Variants in ZNF664 observed in about 807,000 individuals in gnomAD.
ZNF664 encodes zinc finger Organ of Corti 1.
ZNF664 carries 10 observed loss-of-function variants against 18.2 expected under a neutral mutation model. The observed-to-expected ratio is 0.55, with a 90% CI of 0.34 to 0.93. The LOEUF (loss-of-function observed/expected upper bound fraction) is 0.93. ZNF664 is among the 40% of genes least tolerant of loss of function. The pLI is 0.02. For missense variants in ZNF664, 193 were observed against 319.0 expected (o/e 0.61, Z 3.01); for synonymous variants, 119 against 104.2 (o/e 1.14, Z -0.86).
chr12:124,008,088 T>C (rs1957094282), intron 3 of ZNF664, among the ~76,000 whole-genome samples: 2 of 152,226 alleles, frequency 1.3e-5, no homozygotes, highest in Admixed American at 6.5e-5. Flanking sequence ...CTGATTGTTA[T>C]GTCTCAAATC....
At chr12:123,996,914 A>G (rs1594562169) in intron 3 of ZNF664, among the ~76,000 whole-genome samples, 1 of 152,008 alleles carries the variant, frequency 6.6e-6, no homozygotes, top group South Asian at 2.1e-4. Context: ...GCCACTGCTC[A>G]CCCCTTCCCC....
At chr12:124,002,024 G>A (rs1438465288) in intron 3 of ZNF664, among the ~76,000 whole-genome samples, 1 of 150,766 alleles carries the variant, frequency 6.6e-6, no homozygotes, top group Non-Finnish European at 1.5e-5. Context: ...GGCAGTAAGT[G>A]GTAATGTTCT....
intron 2 of ZNF664, chr12:123,974,324 A>T: frequency 3.2e-6 from 1 of 312,008 alleles, no homozygotes; most frequent in Non-Finnish European, 5.8e-6. Flanking sequence ...TCTTATTGCA[A>T]CAAAGGAGAC....
Position 124,012,182 on chromosome 12 carries a change from C to T in ZNF664, c.38C>T (p.Ser13Phe). The T allele has an allele frequency of 6.2e-7, 1 of 1,612,186 alleles. No individual in the cohort carries two copies. Among genetic ancestry groups the T allele is most frequent in the Non-Finnish European group, 8.5e-7 (1 of 1,179,582 alleles). The change falls in exon 5 of 5, where the codon TCT (serine) becomes TTT (phenylalanine). Residue 13 changes from serine (S) to phenylalanine (F), a missense_variant. Transcript: ENST00000337815. Reference sequence around the variant, plus strand: ...TGCCCCATGTGTAGGGAATTTTTCTCTGAGAGAGCAGATCTTTTTATGCAT... The same window carrying T: ...TGCCCCATGTGTAGGGAATTTTTCTTTGAGAGAGCAGATCTTTTTATGCAT... ...YKCPMCREFF[S>F]ERADLFMHQK...
At chr12:123,975,357 TTAGTCTTCTTAACAA>T (rs1172825621) in intron 2 of ZNF664, among the ~76,000 whole-genome samples, 2 of 151,962 alleles carry the variant, frequency 1.3e-5, no homozygotes, top group East Asian at 3.8e-4. Context: ...TGACAATACA[TTAGTCTTCTTAACAA>T]TATTTTGCAA....
chr12:123,996,070 C>T (rs1392886388), intron 3 of ZNF664, among the ~76,000 whole-genome samples: 1 of 152,230 alleles, frequency 6.6e-6, no homozygotes, highest in African/African-American at 2.4e-5. Flanking sequence ...TGCCAGGCTC[C>T]TAAGCCATCT....
intron 1 of ZNF664, chr12:123,973,628 C>T: frequency 2.0e-6 from 1 of 493,774 alleles, no homozygotes; most frequent in Non-Finnish European, 2.7e-6. Flanking sequence ...GCGCAGATGG[C>T]GGCCGGTGCG....
intron 3 of ZNF664, chr12:123,998,283 T>TA (rs539037050): frequency 6.6e-6 from 1 of 152,212 alleles, no homozygotes; most frequent in Non-Finnish European, 1.5e-5. Flanking sequence ...TCCTAAAAGA[T>TA]AGAGTCCTGA....
intron 3 of ZNF664, among the ~76,000 whole-genome samples, chr12:123,992,712 T>C (rs1413862308): frequency 1.3e-5 from 2 of 152,210 alleles, no homozygotes; most frequent in Non-Finnish European, 2.9e-5. Flanking sequence ...AGCCCACTTT[T>C]AGAGGTCATT....
Position 124,013,270 on chromosome 12 carries a change from C to G in ZNF664, c.*340C>G, listed in dbSNP as rs1957154109. The G allele has an allele frequency of 6.7e-6, 2 of 300,720 alleles. No individual in the cohort carries two copies. The highest frequency in any genetic ancestry group is 1.3e-5 in the Non-Finnish European group (2 of 153,912). 18.6% of individuals were successfully genotyped at this position (300,720 alleles called of 1,614,324 possible). A position where few individuals can be genotyped will look rare whatever the true frequency, so the allele number is the denominator to read the frequency against. On this transcript the variant is annotated 3_prime_UTR_variant, in exon 5 of 5. Coordinates refer to ENST00000337815, the MANE Select transcript of ZNF664 (RefSeq NM_152437.3). ...TGAGTCACCTTCTATCTATACTTTG[C>G]TTAAAAGCTATCCCAGATACTCCCC...
At position 124,011,430 on chromosome 12, in the gene ZNF664, A is replaced by G. The variant is rs1317512478; in HGVS notation, c.-611A>G. On this transcript the variant is annotated 5_prime_UTR_variant, in exon 4 of 5. Transcript: ENST00000337815. ...TTTGGAAGATAAGAGAGCTTCTTCA[A>G]GACCAAAAAAGGTTTGTGTTACTGC... The G allele has an allele frequency of 2.4e-5, 24 of 985,492 alleles. No individual in the cohort carries two copies. Among genetic ancestry groups the G allele is most frequent in the Non-Finnish European group, 2.8e-5 (23 of 829,946 alleles). The allele number at this position is 985,492 out of a possible 1,614,324, so 61.0% of individuals were successfully genotyped here.
intron 3 of ZNF664, among the ~76,000 whole-genome samples, chr12:123,995,709 G>A (rs542099199): frequency 4.6e-5 from 7 of 152,314 alleles, no homozygotes; most frequent in East Asian, 1.9e-4. Flanking sequence ...ACCCAGTAGC[G>A]CTGGAGGTTC....
At chr12:123,992,903 A>C (rs1266411154) in intron 3 of ZNF664, among the ~76,000 whole-genome samples, 1 of 152,144 alleles carries the variant, frequency 6.6e-6, no homozygotes, top group African/African-American at 2.4e-5. Context: ...ACTCTGAGTG[A>C]AACTCTTCTC....
At chr12:124,011,114 T>G (rs535341575) in intron 3 of ZNF664, among the ~76,000 whole-genome samples, 1 of 152,348 alleles carries the variant, frequency 6.6e-6, no homozygotes, top group Admixed American at 6.5e-5. Context: ...TTCTATAGAT[T>G]AGAAGGCAAG....
intron 3 of ZNF664, among the ~76,000 whole-genome samples, chr12:123,988,677 C>A (rs1051389148): frequency 4.6e-5 from 7 of 152,078 alleles, no homozygotes; most frequent in African/African-American, 1.7e-4. Flanking sequence ...TCACATTGAT[C>A]TGTGCAGACT....
intron 1 of ZNF664, 116 bp downstream of exon 1, chr12:123,973,468 A>G (rs1254123086): frequency 3.1e-6 from 2 of 655,670 alleles, no homozygotes; most frequent in Non-Finnish European, 3.8e-6. Flanking sequence ...AAAGAAAAGA[A>G]AAACAACCCA....
At chr12:124,004,595 G>C (rs11057412) in intron 3 of ZNF664, among the ~76,000 whole-genome samples, 58,807 of 152,090 alleles carry the variant, frequency 0.39, 12,510 homozygotes, top group African/African-American at 0.56. Context: ...TCCCCAACCT[G>C]TGGGCCACAG....
In ZNF664 at chr12:124,011,460, A is replaced by G; in HGVS notation, c.-600+19A>G. On this transcript the variant is annotated intron_variant, in intron 4 of 4. Coordinates refer to ENST00000337815, the MANE Select transcript of ZNF664 (RefSeq NM_152437.3). ...AAAAAAGGTTTGTGTTACTGCTGTC[A>G]CATTTATATAAAATTAATTTTGGAA... The G allele has an allele frequency of 1.2e-6, 1 of 805,484 alleles. No homozygotes were observed. Among genetic ancestry groups the G allele is most frequent in the South Asian group, 5.6e-5 (1 of 17,818 alleles). 49.9% of individuals were successfully genotyped at this position (805,484 alleles called of 1,614,324 possible).
In ZNF664 at chr12:124,009,512, T is replaced by A. The variant is rs374735169; in HGVS notation, c.-660-1869T>A. Among the ~76,000 whole-genome samples, 13 of 152,070 alleles carry A rather than the reference T, an allele frequency of 8.5e-5. No homozygotes were observed. In the South Asian group the frequency reaches 2.7e-3, roughly 32 times the overall value. ...TTTATTTATTTTATATTTTATATTT[T>A]ATTTTAGATAGGGTCTCACTCTGTT... is the stretch of plus-strand genomic sequence containing the variant. On this transcript the variant is annotated intron_variant, in intron 3 of 4. Transcript: ENST00000337815.
Sources: allele counts gnomAD v4.1 joint callset (sites outside exome capture counted in the v4.1 genomes callset), GRCh38; gene constraint gnomAD v4.1.1; transcripts MANE v1.5; gene names NCBI Gene and HGNC (gene_info 2026-07-23, HGNC 2026-07-21).